The following ADGRB2 variants were observed in gnomAD, a reference collection of about 807,000 sequenced individuals.
ADGRB2 encodes adhesion G protein-coupled receptor B2, also known as brain-specific angiogenesis inhibitor 2.
In ADGRB2, 47 loss-of-function variants were observed where a neutral mutation model predicts 178.7. The observed-to-expected ratio is 0.26, with a 90% CI of 0.21 to 0.34. The LOEUF (loss-of-function observed/expected upper bound fraction) is 0.34. ADGRB2 is among the 10% of genes least tolerant of loss of function. The pLI, the probability that ADGRB2 is intolerant of heterozygous loss-of-function variation, is 1.00. For synonymous variants in ADGRB2, 870 were observed against 912.4 expected (o/e 0.95, Z 0.84); for missense variants, 1,584 against 2,180.8 (o/e 0.73, Z 5.45).
rs930662117 is a variant in ADGRB2, at chr1:31,759,044, G to T, written c.-190-1533C>A. Among the ~76,000 whole-genome samples the T allele has an allele frequency of 6.6e-6, 1 of 152,204 alleles. No individual in the cohort carries two copies. The highest frequency in any genetic ancestry group is 1.5e-5 in the Non-Finnish European group (1 of 68,032). ...ACCGGCCTCCCCTCCCCCACTTACA[G>T]CAGCTCAGGGAACCTCCCCTCACAT... is the stretch of plus-strand genomic sequence containing the variant. On this transcript the variant is annotated intron_variant, in intron 1 of 32. Transcript: ENST00000373658. The surrounding 1 kb of genome is among the most constrained non-coding windows in gnomAD (Gnocchi z 4.3).
In ADGRB2 at chr1:31,742,999, T is replaced by C. The variant is rs1246757429; in HGVS notation, c.1091A>G (p.His364Arg). ...GGACCCCCACTCCTCCCACACGCCG[T>C]GCACTGCAAGGAAGCACGTGGCCGG... ...PCNNSATCPV[H>R]GVWEEWGSWS... is the part of the protein sequence containing the mutation. The change falls in exon 7 of 33, where the codon CAC becomes CGC. Residue 364 changes from histidine to arginine, a missense_variant. Transcript: ENST00000373658. 7 of 1,497,306 alleles carry C rather than the reference T, an allele frequency of 4.7e-6. No homozygotes were observed. The East Asian group carries it at 1.8e-4, about 39-fold the overall frequency. The allele number at this position is 1,497,306 out of a possible 1,614,324, so 92.8% of individuals were successfully genotyped here.
chr1:31,750,189 G>T (rs1646494612), intron 4 of ADGRB2, among the ~76,000 whole-genome samples: 1 of 152,146 alleles, frequency 6.6e-6, no homozygotes, highest in Admixed American at 6.5e-5. Flanking sequence ...CGATATGCTG[G>T]TCCTCTTTTC....
chr1:31,736,239 G>A (rs149639105), intron 22 of ADGRB2, 82 bp downstream of exon 22: 1,237 of 1,515,010 alleles, frequency 8.2e-4, no homozygotes, highest in Non-Finnish European at 1.1e-3. Flanking sequence ...ACAGGCATGG[G>A]CTAGGATTTC....
Position 31,764,139 on chromosome 1 carries a change from G to A in ADGRB2, c.-446C>T, listed in dbSNP as rs966473095. ...GCCGCCGCCGCCGCCTCCTTGCCGC[G>A]CCGCCCCCCGCTCCCCCGCTCCCCC... On this transcript the variant is annotated 5_prime_UTR_variant, in exon 1 of 33. Coordinates refer to ENST00000373658, the MANE Select transcript of ADGRB2 (RefSeq NM_001364857.2). This position sits in a 1 kb window ranked among gnomAD's most constrained non-coding sequence, Gnocchi z 7.3. The A allele has an allele frequency of 4.2e-4, 322 of 769,958 alleles. 1 individual carries two copies. The African/African-American group carries it at 5.7e-3, about 14-fold the overall frequency. The allele number at this position is 769,958 out of a possible 1,614,324, so 47.7% of individuals were successfully genotyped here. A position where few individuals can be genotyped will look rare whatever the true frequency, so the allele number is the denominator to read the frequency against.
chr1:31,748,454 A>G (rs190171768), intron 4 of ADGRB2, among the ~76,000 whole-genome samples: 58 of 152,374 alleles, frequency 3.8e-4, no homozygotes, highest in Admixed American at 8.5e-4. Flanking sequence ...AAGAAGACAG[A>G]TAAGAGCAGA....
In ADGRB2 at chr1:31,735,677, G is replaced by A. The variant is rs1444048621; in HGVS notation, c.3268-12C>T. ...ATGAGCATGTTCACCTGGGGGCCCA[G>A]TAGAGTGGAGTGGGGGAGACAGGAT... is the stretch of plus-strand genomic sequence containing the variant. On this transcript the variant is annotated splice_polypyrimidine_tract_variant and intron_variant, in intron 23 of 32. Coordinates refer to ENST00000373658, the MANE Select transcript of ADGRB2 (RefSeq NM_001364857.2). The surrounding 1 kb of genome is among the most constrained non-coding windows in gnomAD (Gnocchi z 6.0). 4 of 1,587,576 alleles carry A rather than the reference G, an allele frequency of 2.5e-6. No homozygotes were observed. The African/African-American group carries it at 5.4e-5, about 21-fold the overall frequency.
At chr1:31,738,544 T>G in intron 17 of ADGRB2, 43 bp downstream of exon 17, 1 of 1,584,268 alleles carries the variant, frequency 6.3e-7, no homozygotes, top group Non-Finnish European at 8.6e-7. Context: ...CAAAGGGCCC[T>G]AGGGCTGCTC....
intron 29 of ADGRB2, 126 bp downstream of exon 29, chr1:31,730,674 C>T (rs1645233997): frequency 1.6e-6 from 2 of 1,257,456 alleles, no homozygotes; most frequent in Non-Finnish European, 2.1e-6. Context: ...GAGAAATGCT[C>T]AGTGTATCCA....
In ADGRB2 at chr1:31,744,415, A is replaced by G; in HGVS notation, c.923-58T>C. On this transcript the variant is annotated intron_variant, in intron 5 of 32. Transcript: ENST00000373658. The surrounding 1 kb of genome is among the most constrained non-coding windows in gnomAD (Gnocchi z 6.7). The stretch of plus-strand genomic sequence containing the variant: ...GCACCTCCCAAGCACTCAGTCTCAT[A>G]GGGATAGGGGGAGTGGCAGTAAGGT... 6.5e-7 allele frequency: 1 copy of G among 1,539,214 alleles called. No individual in the cohort carries two copies. Among genetic ancestry groups the G allele is most frequent in the Non-Finnish European group, 8.7e-7 (1 of 1,144,124 alleles).
rs1368943966 is a variant in ADGRB2 at position 31,738,233 on chromosome 1, G to A, written c.2739C>T (p.Thr913=). 6.2e-7 allele frequency: 1 copy of A among 1,614,144 alleles called. No homozygotes were observed. The highest frequency in any genetic ancestry group is 1.3e-5 in the African/African-American group (1 of 75,026). The change falls in exon 18 of 33, where the codon ACC becomes ACT. Residue 913 remains threonine (T), a synonymous_variant. Coordinates refer to ENST00000373658, the MANE Select transcript of ADGRB2 (RefSeq NM_001364857.2). ...TGGGCGGCTGGGCTAGTACAGCAAA[G>A]GTGGACAGGTGCTGGCACTGGCAGC... is the stretch of plus-strand genomic sequence containing the variant. The part of the protein sequence containing the change: ...HTRCQCQHLS[T]FAVLAQPPKD...
At position 31,742,997 on chromosome 1, in the gene ADGRB2, C is replaced by T. The variant is rs774351646; in HGVS notation, c.1093G>A (p.Gly365Ser). ...CNNSATCPVH[G>S]VWEEWGSWSL... ...CAGGACCCCCACTCCTCCCACACGC[C>T]GTGCACTGCAAGGAAGCACGTGGCC... Residue 365 changes from glycine (G) to serine (S), a missense_variant, in exon 7 of 33, where the codon GGC becomes AGC. By Grantham distance (56) the Gly-to-Ser change is moderately conservative (BLOSUM62 0). Around this residue, in one of 3 missense-constraint regions of ADGRB2, gnomAD observed 657 missense variants for 847.6 expected, o/e 0.78. Transcript: ENST00000373658. The T allele has an allele frequency of 3.3e-6, 5 of 1,500,224 alleles. No homozygotes were observed. Among genetic ancestry groups the T allele is most frequent in the East Asian group, 2.6e-5 (1 of 38,430 alleles). The allele number at this position is 1,500,224 out of a possible 1,614,324, so 92.9% of individuals were successfully genotyped here. A position where few individuals can be genotyped will look rare whatever the true frequency, so the allele number is the denominator to read the frequency against.
chr1:31,735,203 T>A lies in ADGRB2; in HGVS notation c.3432A>T (p.Ser1144=), dbSNP rs532710628. Residue 1144 remains serine, a synonymous_variant, in exon 25 of 33, where the codon TCA becomes TCT. Transcript: ENST00000373658. This position sits in a 1 kb window ranked among gnomAD's most constrained non-coding sequence, Gnocchi z 6.0. ...CTAACATGGCGTTCCTGGCCGAGGC[T>A]GAGCTGAGCAGGGGGCTGGGGACCG... ...CGAVPSPLLS[S]ASARNAMASL... is the part of the protein sequence containing the mutation. 7 of 1,383,976 alleles carry A rather than the reference T, an allele frequency of 5.1e-6. No individual in the cohort carries two copies. The African/African-American group carries it at 8.9e-5, about 18-fold the overall frequency. The allele number at this position is 1,383,976 out of a possible 1,614,324, so 85.7% of individuals were successfully genotyped here. A position where few individuals can be genotyped will look rare whatever the true frequency, so the allele number is the denominator to read the frequency against.
intron 14 of ADGRB2, 23 bp downstream of exon 14, chr1:31,739,903 C>G (rs1645841991): frequency 6.2e-7 from 1 of 1,603,674 alleles, no homozygotes; most frequent in South Asian, 1.1e-5. Flanking sequence ...TCAGGACCCC[C>G]ACCCTTGCCT....
At chr1:31,734,698 G>A (rs1017468390) in intron 25 of ADGRB2, among the ~76,000 whole-genome samples, 2 of 152,198 alleles carry the variant, frequency 1.3e-5, no homozygotes, top group African/African-American at 4.8e-5. Flanking sequence ...GTGATTCTCT[G>A]TCTCCAATTG....
At chr1:31,752,038 C>T (rs1646599636) in intron 4 of ADGRB2, among the ~76,000 whole-genome samples, 1 of 152,216 alleles carries the variant, frequency 6.6e-6, no homozygotes, top group African/African-American at 2.4e-5. Flanking sequence ...AACTTATCAA[C>T]AGTCACTCAG....
chr1:31,745,856 A>T (rs1488594386), intron 4 of ADGRB2, among the ~76,000 whole-genome samples: 3 of 152,122 alleles, frequency 2.0e-5, no homozygotes, highest in Admixed American at 6.5e-5. Flanking sequence ...CTTTCTCACC[A>T]AGCATGAGGA....
intron 4 of ADGRB2, among the ~76,000 whole-genome samples, chr1:31,747,000 CCT>C (rs1249371763): frequency 2.0e-5 from 3 of 152,332 alleles, no homozygotes; most frequent in South Asian, 4.1e-4. Flanking sequence ...TATCACCTCC[CCT>C]GTTAATCCAC....
Position 31,756,438 on chromosome 1 carries a change from T to TGCCTCCTCC in ADGRB2, c.390_398dup (p.Glu132_Glu134dup), listed in dbSNP as rs1483190095. On this transcript the variant is annotated inframe_insertion, in exon 4 of 33. Transcript: ENST00000373658. The surrounding 1 kb of genome is among the most constrained non-coding windows in gnomAD (Gnocchi z 8.5). ...ACAGCTCCAACCCCGCTGCCGCCTC[T>TGCCTCCTCC]GCCTCCTCCTCTTCTGGCCGCCCCA... 6.2e-7 allele frequency: 1 copy of TGCCTCCTCC among 1,611,844 alleles called. No homozygotes were observed. Among genetic ancestry groups the TGCCTCCTCC allele is most frequent in the African/African-American group, 1.3e-5 (1 of 74,946 alleles).
chr1:31,730,228 C>T (rs1043533194), intron 29 of ADGRB2, among the ~76,000 whole-genome samples: 4 of 152,200 alleles, frequency 2.6e-5, no homozygotes, highest in Non-Finnish European at 4.4e-5. Context: ...TTGCTTTTCT[C>T]CGGAAGAGAG....
Sources: gnomAD v4.1 joint callset for allele counts (sites outside exome capture counted in the v4.1 genomes callset) on GRCh38, gnomAD v4.1.1 for gene constraint, gnomAD v4.1.1 regional missense constraint, Gnocchi (gnomAD v3.1) non-coding constraint, MANE v1.5 for transcripts, NCBI Gene and HGNC (gene_info 2026-07-23, HGNC 2026-07-21) for gene names.